GLB1: variants seen among roughly 807,000 people sequenced by gnomAD.
GLB1 encodes the protein beta-galactosidase.
GLB1 carries 56 observed loss-of-function variants against 74.0 expected under a neutral mutation model. That is an observed-to-expected ratio of 0.76 (90% confidence interval 0.61 to 0.94). GLB1 has a LOEUF of 0.94. GLB1 is among the 40% of genes least tolerant of loss of function. The pLI, the probability that GLB1 is intolerant of heterozygous loss-of-function variation, is 0.00. For missense variants in GLB1, 787 were observed against 845.5 expected (o/e 0.93, Z 0.86); for synonymous variants, 323 against 323.6 (o/e 1.00, Z 0.02).
intron 10 of GLB1, chr3:33,030,641 G>GA (rs536415693): frequency 2.7e-5 from 27 of 985,320 alleles, no homozygotes; most frequent in Middle Eastern, 5.2e-4. Flanking sequence ...TTGAAGTACA[G>GA]AAAAAATCAC....
Position 33,051,803 on chromosome 3 carries a change from A to C in GLB1, c.915-5T>G. 6.2e-7 allele frequency: 1 copy of C among 1,614,168 alleles called. No individual in the cohort carries two copies. Among genetic ancestry groups the C allele is most frequent in the South Asian group, 1.1e-5 (1 of 91,086 alleles). On this transcript the variant is annotated splice_polypyrimidine_tract_variant and splice_region_variant and intron_variant, in intron 8 of 15. Coordinates refer to ENST00000307363, the MANE Select transcript of GLB1 (RefSeq NM_000404.4). ...GTCCCACCTATAAACATGTACCTAC[A>C]AGGAAACAAAAGAACACGGTACTTC... is the stretch of plus-strand genomic sequence containing the variant.
At chr3:33,094,094 G>A (rs766377963) in intron 1 of GLB1, 9 of 1,614,242 alleles carry the variant, frequency 5.6e-6, no homozygotes, top group South Asian at 1.1e-5. Context: ...TGAGCTCAAG[G>A]CTCTCTGCCA....
At chr3:32,992,852 C>T (rs888729734), downstream of GLB1, among the ~76,000 whole-genome samples, 45 of 152,242 alleles carry the variant, frequency 3.0e-4, no homozygotes, top group African/African-American at 8.7e-4. Flanking sequence ...TGGGCATCCA[C>T]TTCTAACAAA....
the GLB1 span, among the ~76,000 whole-genome samples, chr3:32,984,097 T>C: frequency 6.6e-6 from 1 of 152,228 alleles, no homozygotes; most frequent in Non-Finnish European, 1.5e-5. Flanking sequence ...ATTAGTTCTG[T>C]ATAATGCTCT....
chr3:33,036,098 TC>T (rs1698265964), intron 10 of GLB1, among the ~76,000 whole-genome samples: 2 of 152,196 alleles, frequency 1.3e-5, no homozygotes, highest in South Asian at 4.1e-4. Context: ...TAAGATCCCT[TC>T]CTGGCCAGTC....
chr3:33,096,562 G>T lies in GLB1; in HGVS notation c.75+449C>A, dbSNP rs996338032. On this transcript the variant is annotated intron_variant, in intron 1 of 15. Transcript: ENST00000307363. ...AAATAACCCAATGTTCCCACTGCAA[G>T]GGCCTCTCCTGACCCCATTTTTCTC... is the stretch of plus-strand genomic sequence containing the variant. The T allele has an allele frequency of 5.1e-5, 50 of 984,514 alleles. No individual in the cohort carries two copies. The Admixed American group carries it at 1.1e-3, about 22-fold the overall frequency. The allele number at this position is 984,514 out of a possible 1,614,324, so 61.0% of individuals were successfully genotyped here.
chr3:33,093,048 T>C lies in GLB1; in HGVS notation c.75+3963A>G. Reference sequence around the variant, plus strand: ...GTGCCCAGAAAGGATCAGGTTAATATCTGGCCGAGCCTGGAGAGCTCTCTT... The same window carrying C: ...GTGCCCAGAAAGGATCAGGTTAATACCTGGCCGAGCCTGGAGAGCTCTCTT... On this transcript the variant is annotated intron_variant, in intron 1 of 15. Coordinates refer to ENST00000307363, the MANE Select transcript of GLB1 (RefSeq NM_000404.4). The surrounding 1 kb of genome is among the most constrained non-coding windows in gnomAD (Gnocchi z 6.0). The C allele has an allele frequency of 1.9e-6, 3 of 1,614,182 alleles. No individual in the cohort carries two copies. Among genetic ancestry groups the C allele is most frequent in the Non-Finnish European group, 1.7e-6 (2 of 1,180,034 alleles).
chr3:33,082,623 AC>A (rs1700362545), intron 1 of GLB1, among the ~76,000 whole-genome samples: 1 of 152,254 alleles, frequency 6.6e-6, no homozygotes. Flanking sequence ...CTGGGACAGA[AC>A]AACACAGCCT....
At chr3:33,007,871 C>T (rs749491141) in intron 15 of GLB1, among the ~76,000 whole-genome samples, 4 of 152,206 alleles carry the variant, frequency 2.6e-5, no homozygotes, top group Non-Finnish European at 5.9e-5. Flanking sequence ...TCAATGCTGC[C>T]TGCTTTTTCA....
intron 5 of GLB1, chr3:33,061,852 G>A (rs1699456698): frequency 6.6e-6 from 1 of 152,158 alleles, no homozygotes; most frequent in Non-Finnish European, 1.5e-5. Context: ...CATCATAGGT[G>A]GCACTGGCTC....
At chr3:33,031,261 A>G (rs919269978) in intron 10 of GLB1, among the ~76,000 whole-genome samples, 3 of 152,154 alleles carry the variant, frequency 2.0e-5, no homozygotes, top group African/African-American at 7.2e-5. Flanking sequence ...GGGGATATCT[A>G]CCATCCAATT....
At chr3:33,031,427 T>C (rs80243222) in intron 10 of GLB1, among the ~76,000 whole-genome samples, 14,350 of 151,216 alleles carry the variant, frequency 0.095, 822 homozygotes, top group Non-Finnish European at 0.13. Flanking sequence ...GTGGATCACT[T>C]GAGGTCAGGA....
At chr3:33,077,465 C>A in intron 1 of GLB1, 1 of 757,564 alleles carries the variant, frequency 1.3e-6, no homozygotes, top group East Asian at 3.4e-5. Context: ...CGATATGTTC[C>A]AACAGCAGTC....
chr3:33,083,382 A>C (rs1436212248), intron 1 of GLB1, among the ~76,000 whole-genome samples: 1 of 135,604 alleles, frequency 7.4e-6, no homozygotes, highest in Non-Finnish European at 1.6e-5. Flanking sequence ...GGGCAACAAG[A>C]CTGAAACTCT....
chr3:33,053,627 C>T (rs1418264882), intron 6 of GLB1, 78 bp from the exon 7 acceptor site: 1 of 1,590,318 alleles, frequency 6.3e-7, no homozygotes, highest in Non-Finnish European at 8.6e-7. Flanking sequence ...CTTCATGGGA[C>T]TCGGGCCTGA....
At chr3:33,003,627 A>G (rs1443772522) in intron 15 of GLB1, among the ~76,000 whole-genome samples, 1 of 152,244 alleles carries the variant, frequency 6.6e-6, no homozygotes, top group Non-Finnish European at 1.5e-5. Context: ...TAGACAAAAA[A>G]GAAGTTTAAC....
Position 33,024,298 on chromosome 3 carries a change from G to C in GLB1, c.1096C>G (p.Pro366Ala), listed in dbSNP as rs753318002. Residue 366 changes from proline (P) to alanine (A), a missense_variant, in exon 11 of 16, where the codon CCT (proline) becomes GCT (alanine). Physicochemically the swap from Pro to Ala is conservative, Grantham distance 27. Transcript: ENST00000307363. ...KFEKVPEGPI[P>A]PSTPKFAYGK... Reference sequence around the variant, plus strand: ...TATGCAAACTTTGGTGTAGATGGAGGGATAGGACCTTCTGGTACTTTTTCA... The same window carrying C: ...TATGCAAACTTTGGTGTAGATGGAGCGATAGGACCTTCTGGTACTTTTTCA... 6.2e-7 allele frequency: 1 copy of C among 1,612,046 alleles called. No homozygotes were observed. The highest frequency in any genetic ancestry group is 1.1e-5 in the South Asian group (1 of 90,902).
the GLB1 span, among the ~76,000 whole-genome samples, chr3:32,962,401 CAG>C: frequency 1.3e-4 from 20 of 152,220 alleles, no homozygotes; most frequent in South Asian, 6.2e-4. Context: ...GTGTTAATAA[CAG>C]GGGAAATGTG....
the GLB1 span, among the ~76,000 whole-genome samples, chr3:32,986,594 CTTTTT>C: frequency 7.0e-6 from 1 of 142,396 alleles, no homozygotes; most frequent in Admixed American, 7.0e-5. Context: ...GACTGTTTCT[CTTTTT>C]TTTTTTTTTG....
Sources: allele counts gnomAD v4.1 joint callset (sites outside exome capture counted in the v4.1 genomes callset), GRCh38; gene constraint gnomAD v4.1.1; non-coding constraint Gnocchi (gnomAD v3.1); transcripts MANE v1.5; gene names NCBI Gene and HGNC (gene_info 2026-07-23, HGNC 2026-07-21).